NDST3: variants seen among roughly 807,000 people sequenced by gnomAD.
NDST3 encodes the protein bifunctional heparan sulfate N-deacetylase/N-sulfotransferase 3.
In NDST3, 58 loss-of-function variants were observed where a neutral mutation model predicts 96.1. The observed-to-expected ratio is 0.60, with a 90% CI of 0.49 to 0.75. The LOEUF is 0.75. Ranked by LOEUF, NDST3 falls within the 30% of genes least tolerant of loss-of-function variation. NDST3 has a pLI of 0.00. For synonymous variants in NDST3, 333 were observed against 359.7 expected, an observed-to-expected ratio of 0.93 and a Z score of 0.84; for missense variants, 788 against 1,034.2, an observed-to-expected ratio of 0.76 and a Z score of 3.27.
At chr4:118,063,183 T>A (rs1378418922) in intron 2 of NDST3, among the ~76,000 whole-genome samples, 1 of 68,560 alleles carries the variant, frequency 1.5e-5, no homozygotes, top group African/African-American at 4.0e-5. Flanking sequence ...AGAGTGAAAC[T>A]CCGTTTAAAA....
At position 118,053,894 on chromosome 4, in the gene NDST3, G is replaced by A; in HGVS notation, c.-17G>A. ...TATGGTGCTTCTGTTGGCATAGTTGGGGAAAGCACCTACAACATGAGTTTT... is the reference window on the plus strand; with the variant it reads ...TATGGTGCTTCTGTTGGCATAGTTGAGGAAAGCACCTACAACATGAGTTTT... On this transcript the variant is annotated 5_prime_UTR_variant, in exon 2 of 14. Transcript: ENST00000296499. 6.4e-7 allele frequency: 1 copy of A among 1,562,850 alleles called. No individual in the cohort carries two copies. The highest frequency in any genetic ancestry group is 1.4e-5 in the African/African-American group (1 of 72,978).
At chr4:118,038,359 C>G (rs1724263190) in intron 1 of NDST3, among the ~76,000 whole-genome samples, 1 of 152,132 alleles carries the variant, frequency 6.6e-6, no homozygotes, top group Non-Finnish European at 1.5e-5. Context: ...AAAACATATT[C>G]TTCTCTTCAT....
At chr4:118,038,169 G>A (rs529385089) in intron 1 of NDST3, among the ~76,000 whole-genome samples, 2 of 152,232 alleles carry the variant, frequency 1.3e-5, no homozygotes, top group South Asian at 4.1e-4. Flanking sequence ...TATGTCATAT[G>A]TGAGCATGTG....
At chr4:118,090,364 T>C (rs1272384447) in intron 2 of NDST3, among the ~76,000 whole-genome samples, 1 of 151,976 alleles carries the variant, frequency 6.6e-6, no homozygotes, top group South Asian at 2.1e-4. Context: ...TTGTAAACAG[T>C]TGAAAGGCTC....
At chr4:118,167,802 C>T (rs1735661502) in intron 6 of NDST3, among the ~76,000 whole-genome samples, 1 of 151,832 alleles carries the variant, frequency 6.6e-6, no homozygotes, top group Non-Finnish European at 1.5e-5. Flanking sequence ...CAAGAATACC[C>T]AATGAGGAAA....
chr4:118,211,119 G>C (rs1417087139), intron 6 of NDST3, among the ~76,000 whole-genome samples: 1 of 152,140 alleles, frequency 6.6e-6, no homozygotes, highest in Non-Finnish European at 1.5e-5. Context: ...GAGGATGAGA[G>C]GAGCAGATTT....
chr4:118,151,917 T>G (rs575103986), intron 6 of NDST3, among the ~76,000 whole-genome samples: 1 of 152,266 alleles, frequency 6.6e-6, no homozygotes, highest in South Asian at 2.1e-4. Flanking sequence ...GCAGACTCTT[T>G]CAAAGTATTT....
At chr4:118,136,165 C>A (rs112313924) in intron 4 of NDST3, among the ~76,000 whole-genome samples, 1 of 152,092 alleles carries the variant, frequency 6.6e-6, no homozygotes, top group Non-Finnish European at 1.5e-5. Context: ...TTTCTTCCCA[C>A]ACTCTTCAAA....
At chr4:118,094,634 GA>G (rs1729143859) in intron 2 of NDST3, among the ~76,000 whole-genome samples, 1 of 151,652 alleles carries the variant, frequency 6.6e-6, no homozygotes, top group African/African-American at 2.4e-5. Flanking sequence ...TTCCTCTTCT[GA>G]CTAAGAATTT....
chr4:118,136,278 TAAC>T (rs1280981409), intron 4 of NDST3, among the ~76,000 whole-genome samples: 3 of 152,216 alleles, frequency 2.0e-5, no homozygotes, highest in Non-Finnish European at 4.4e-5. Context: ...GAATACTATT[TAAC>T]AACCACCAGA....
At chr4:118,125,303 ATTCT>A (rs1731956292) in intron 4 of NDST3, among the ~76,000 whole-genome samples, 1 of 152,066 alleles carries the variant, frequency 6.6e-6, no homozygotes, top group African/African-American at 2.4e-5. Context: ...GACCAGACAA[ATTCT>A]TTATTAATAC....
At chr4:118,065,766 T>A (rs1050891663) in intron 2 of NDST3, among the ~76,000 whole-genome samples, 2 of 151,824 alleles carry the variant, frequency 1.3e-5, no homozygotes, top group Admixed American at 1.3e-4. Flanking sequence ...TACCCCAACC[T>A]AAAAACAACA....
intron 2 of NDST3, among the ~76,000 whole-genome samples, chr4:118,092,627 T>C (rs887179178): frequency 5.9e-5 from 9 of 151,800 alleles, no homozygotes; most frequent in African/African-American, 1.7e-4. Flanking sequence ...GTACCTCAGC[T>C]TCAGGTCTAA....
intron 6 of NDST3, among the ~76,000 whole-genome samples, chr4:118,160,583 T>G (rs1317429116): frequency 1.3e-5 from 2 of 152,210 alleles, no homozygotes; most frequent in Non-Finnish European, 2.9e-5. Context: ...GTATCACTGA[T>G]CATTAGAAAA....
intron 3 of NDST3, 83 bp downstream of exon 3, chr4:118,105,188 T>C: frequency 1.1e-6 from 1 of 903,150 alleles, no homozygotes; most frequent in Non-Finnish European, 1.7e-6. Context: ...GCCCACACTG[T>C]CCTACATTCC....
At chr4:118,038,999 G>C (rs902860006) in intron 1 of NDST3, among the ~76,000 whole-genome samples, 2 of 152,256 alleles carry the variant, frequency 1.3e-5, no homozygotes, top group African/African-American at 4.8e-5. Flanking sequence ...ATATATGTTT[G>C]TATATATTGA....
At chr4:118,198,373 C>T (rs116160174) in intron 6 of NDST3, among the ~76,000 whole-genome samples, 3 of 152,232 alleles carry the variant, frequency 2.0e-5, no homozygotes, top group Non-Finnish European at 2.9e-5. Context: ...GCAAATACTA[C>T]GTTATAACCC....
Position 118,092,012 on chromosome 4 carries a change from T to C in NDST3, c.982-13006T>C, listed in dbSNP as rs149538883. Among the ~76,000 whole-genome samples, 131 of 151,488 alleles carry C rather than the reference T, an allele frequency of 8.6e-4. 3 individuals carry two copies. In the East Asian group the frequency reaches 0.02, roughly 24 times the overall value. On this transcript the variant is annotated intron_variant, in intron 2 of 13. Coordinates refer to ENST00000296499, the MANE Select transcript of NDST3 (RefSeq NM_004784.3). Reference sequence around the variant, plus strand: ...CAGCTATGAGGCATTAAATATTATGTAGTCCAAAACTTACAACTCTGTGAG... The same window carrying C: ...CAGCTATGAGGCATTAAATATTATGCAGTCCAAAACTTACAACTCTGTGAG...
chr4:118,125,222 C>T (rs974963121), intron 4 of NDST3, among the ~76,000 whole-genome samples: 1 of 151,990 alleles, frequency 6.6e-6, no homozygotes, highest in Non-Finnish European at 1.5e-5. Context: ...CCATAAATAA[C>T]AAAGACATTT....
Sources: gnomAD v4.1 joint callset for allele counts (sites outside exome capture counted in the v4.1 genomes callset) on GRCh38, gnomAD v4.1.1 for gene constraint, MANE v1.5 for transcripts, NCBI Gene and HGNC (gene_info 2026-07-23, HGNC 2026-07-21) for gene names.